CCDC18: variants seen among roughly 807,000 people sequenced by gnomAD.
CCDC18 encodes coiled-coil domain-containing protein 18.
In CCDC18, 157 loss-of-function variants were observed where a neutral mutation model predicts 196.0. The ratio of observed to expected loss-of-function variants is 0.80; its 90% CI spans 0.70 to 0.91. The LOEUF is 0.91. Among genes scored for constraint, CCDC18 ranks in the 40% least tolerant of loss-of-function variants. The pLI is 0.00. For synonymous variants in CCDC18, 482 were observed against 529.2 expected, an observed-to-expected ratio of 0.91 and a Z score of 1.22; for missense variants, 1,465 against 1,611.6, an observed-to-expected ratio of 0.91 and a Z score of 1.56.
At chr1:93,225,654 G>A (rs1379621969) in intron 16 of CCDC18, among the ~76,000 whole-genome samples, 1 of 151,944 alleles carries the variant, frequency 6.6e-6, no homozygotes, top group Non-Finnish European at 1.5e-5. Context: ...GTGCATACCT[G>A]TAATCCCAGC....
intron 6 of CCDC18, 31 bp from the exon 7 acceptor site, chr1:93,201,861 C>T (rs1175497663): frequency 1.4e-5 from 20 of 1,395,910 alleles, no homozygotes; most frequent in Admixed American, 2.1e-5. Flanking sequence ...GCATTCTTCA[C>T]TTTTATTCAT....
intron 21 of CCDC18, among the ~76,000 whole-genome samples, chr1:93,241,620 G>T (rs889781252): frequency 6.7e-6 from 1 of 149,848 alleles, no homozygotes; most frequent in Non-Finnish European, 1.5e-5. Context: ...TACTCAGGAG[G>T]CTGAGGCAGG....
chr1:93,274,624 A>T (rs962948331), intron 28 of CCDC18, among the ~76,000 whole-genome samples: 2 of 151,938 alleles, frequency 1.3e-5, no homozygotes, highest in Non-Finnish European at 2.9e-5. Flanking sequence ...CAGGAGGATT[A>T]CTTGAGACTA....
intron 1 of CCDC18, 55 bp downstream of exon 1, chr1:93,180,907 G>A: frequency 7.4e-7 from 1 of 1,356,634 alleles, no homozygotes; most frequent in Non-Finnish European, 9.8e-7. Flanking sequence ...CTTGGCGTGG[G>A]GAAACCGGCT....
At chr1:93,216,522 A>G (rs528744090) in intron 12 of CCDC18, 114 bp from the exon 13 acceptor site, 4 of 512,318 alleles carry the variant, frequency 7.8e-6, no homozygotes, top group East Asian at 3.5e-5. Flanking sequence ...AGTTTGCCCA[A>G]TTTACCTAGA....
At chr1:93,181,045 A>C (rs561738973) in intron 1 of CCDC18, among the ~76,000 whole-genome samples, 193 bp downstream of exon 1, 1 of 151,270 alleles carries the variant, frequency 6.6e-6, no homozygotes, top group African/African-American at 2.4e-5. Context: ...GGCCGGGCGC[A>C]GTGGCTTACG....
In CCDC18 at chr1:93,236,324, G is replaced by A. The variant is rs1200156739; in HGVS notation, c.2537G>A (p.Cys846Tyr). The A allele has an allele frequency of 7.6e-6, 12 of 1,577,792 alleles. No individual in the cohort carries two copies. The highest frequency in any genetic ancestry group is 6.0e-5 in the Admixed American group (3 of 50,006). ...AAGTTGAGAAAAATGGAGGAGAAATGTGAATCAGCTGCACATGAAGCAGAT... is the reference window on the plus strand; with the variant it reads ...AAGTTGAGAAAAATGGAGGAGAAATATGAATCAGCTGCACATGAAGCAGAT... Reference protein sequence around the residue: ...AEKLRKMEEKCESAAHEADLK... With the variant: ...AEKLRKMEEKYESAAHEADLK... The change falls in exon 19 of 29, where the codon TGT becomes TAT. Residue 846 changes from cysteine to tyrosine, a missense_variant. By Grantham distance (194) the Cys-to-Tyr change is radical. Coordinates refer to ENST00000690025, the MANE Select transcript of CCDC18 (RefSeq NM_001378204.1).
chr1:93,225,119 T>A (rs1293932334), intron 16 of CCDC18, among the ~76,000 whole-genome samples: 1 of 152,202 alleles, frequency 6.6e-6, no homozygotes, highest in Non-Finnish European at 1.5e-5. Context: ...TTTTTTCATC[T>A]GCTAAGAAAT....
rs375937739 is a variant in CCDC18 at position 93,193,733 on chromosome 1, A to G, written c.687A>G (p.Lys229=). 11 of 1,563,760 alleles carry G rather than the reference A, an allele frequency of 7.0e-6. No homozygotes were observed. The African/African-American group carries it at 1.4e-4, about 20-fold the overall frequency. The change falls in exon 6 of 29, where the codon AAA becomes AAG. Residue 229 remains lysine (K), a synonymous_variant. Coordinates refer to ENST00000690025, the MANE Select transcript of CCDC18 (RefSeq NM_001378204.1). ...KLKVDLLEQT[K]QGKRAERQRN... ...AGGTGGACTTACTTGAACAAACCAA[A>G]CAAGGAAAAAGGTATGTGTTTTTAA...
At chr1:93,264,985 G>C in intron 27 of CCDC18, 84 bp downstream of exon 27, 1 of 924,388 alleles carries the variant, frequency 1.1e-6, no homozygotes, top group Non-Finnish European at 1.7e-6. Flanking sequence ...AGTTTATAGA[G>C]GACTATATGA....
chr1:93,216,649 G>A lies in CCDC18; in HGVS notation c.1733G>A (p.Cys578Tyr). 4 of 1,533,824 alleles carry A rather than the reference G, an allele frequency of 2.6e-6. No homozygotes were observed. The South Asian group carries it at 3.7e-5, about 14-fold the overall frequency. Residue 578 changes from cysteine (C) to tyrosine (Y), a missense_variant, in exon 13 of 29, where the codon TGT (cysteine) becomes TAT (tyrosine). Physicochemically the swap from Cys to Tyr is radical, Grantham distance 194 (BLOSUM62 -2). Transcript: ENST00000690025. ...ATGTGTTTTCAGATGACAAAGAAAT[G>A]TTCTCAACTTTTAACTCTTGAGAAA... ...SKLESEMTKK[C>Y]SQLLTLEKQL... is the part of the protein sequence containing the mutation.
intron 23 of CCDC18, among the ~76,000 whole-genome samples, chr1:93,251,478 G>A (rs569726643): frequency 1.7e-3 from 254 of 152,146 alleles, no homozygotes; most frequent in Non-Finnish European, 2.7e-3. Context: ...GTCTAGTAGC[G>A]ACAAATTTCC....
intron 1 of CCDC18, 107 bp downstream of exon 1, chr1:93,180,959 A>G: frequency 2.7e-6 from 3 of 1,100,718 alleles, no homozygotes; most frequent in Non-Finnish European, 2.5e-6. Flanking sequence ...GGCACCTTGG[A>G]TGCGCTGGGA....
intron 28 of CCDC18, among the ~76,000 whole-genome samples, chr1:93,271,823 T>C (rs1665289174): frequency 6.6e-6 from 1 of 152,240 alleles, no homozygotes; most frequent in Non-Finnish European, 1.5e-5. Context: ...TTTAGTATCC[T>C]CTTTTTCTTC....
chr1:93,272,603 G>T (rs1367027541), intron 28 of CCDC18, among the ~76,000 whole-genome samples: 1 of 152,144 alleles, frequency 6.6e-6, no homozygotes, highest in Non-Finnish European at 1.5e-5. Flanking sequence ...TATCATATTT[G>T]GTAATGTCGA....
At chr1:93,181,023 T>C in intron 1 of CCDC18, 171 bp downstream of exon 1, 4 of 613,122 alleles carry the variant, frequency 6.5e-6, no homozygotes, top group Non-Finnish European at 1.0e-5. Flanking sequence ...TTTTATTTGA[T>C]GAAAAATAGG....
chr1:93,180,581 T>G, upstream of CCDC18: 1 of 1,399,160 alleles, frequency 7.1e-7, no homozygotes, highest in Non-Finnish European at 9.5e-7. Context: ...GGAAATGTAG[T>G]CCCGGGCGGG....
chr1:93,246,251 C>T (rs1570551522), intron 22 of CCDC18, 47 bp downstream of exon 22: 3 of 1,356,346 alleles, frequency 2.2e-6, no homozygotes, highest in East Asian at 4.9e-5. Flanking sequence ...TGTTATGACA[C>T]AGTCACACAG....
chr1:93,243,908 G>A (rs1180756016), intron 21 of CCDC18, among the ~76,000 whole-genome samples: 1 of 152,092 alleles, frequency 6.6e-6, no homozygotes, highest in Non-Finnish European at 1.5e-5. Flanking sequence ...ACATTTTCCT[G>A]TATTCTTCTG....
Sources: allele counts gnomAD v4.1 joint callset (sites outside exome capture counted in the v4.1 genomes callset), GRCh38; gene constraint gnomAD v4.1.1; transcripts MANE v1.5; gene names NCBI Gene and HGNC (gene_info 2026-07-23, HGNC 2026-07-21).